PHACTR3: variants seen among roughly 807,000 people sequenced by gnomAD.
The protein encoded by PHACTR3 is phosphatase and actin regulator 3.
Under a neutral mutation model 66.8 loss-of-function variants are expected in PHACTR3, and 16 were observed. The observed-to-expected ratio is 0.24, with a 90% CI of 0.16 to 0.36. PHACTR3 has a LOEUF of 0.36. Ranked by LOEUF, PHACTR3 falls within the 10% of genes least tolerant of loss-of-function variation. The pLI, the probability that PHACTR3 is intolerant of heterozygous loss-of-function variation, is 1.00. For missense variants in PHACTR3, 647 were observed against 719.9 expected (o/e 0.90, Z 1.16); for synonymous variants, 323 against 292.1 (o/e 1.11, Z -1.08).
intron 5 of PHACTR3, among the ~76,000 whole-genome samples, chr20:59,769,005 T>A (rs981733660): frequency 2.6e-5 from 4 of 152,154 alleles, no homozygotes; most frequent in African/African-American, 9.7e-5. Context: ...GGTGGAGGGA[T>A]GAGTGAGGGG....
Position 59,589,345 on chromosome 20 carries a change from G to T in PHACTR3, c.109+11728G>T, listed in dbSNP as rs1380131933. Among the ~76,000 whole-genome samples the T allele has an allele frequency of 3.3e-5, 5 of 152,354 alleles. No individual in the cohort carries two copies. In the South Asian group the frequency reaches 1.0e-3, roughly 32 times the overall value. ...CCCACCAGCTTCAGTGTGCGCATGG[G>T]TTTTAATGAATGGTGGGCGCCGAGA... On this transcript the variant is annotated intron_variant, in intron 1 of 12. Coordinates refer to the PHACTR3 transcript ENST00000359926.
intron 8 of PHACTR3, among the ~76,000 whole-genome samples, chr20:59,821,974 T>C (rs1265616811): frequency 6.5e-4 from 38 of 58,702 alleles, no homozygotes; most frequent in African/African-American, 2.9e-3. Context: ...CTACCCTTTC[T>C]GCAGCGATCC....
intron 1 of PHACTR3, among the ~76,000 whole-genome samples, chr20:59,615,787 T>G (rs1294874592): frequency 6.6e-6 from 1 of 152,204 alleles, no homozygotes; most frequent in Non-Finnish European, 1.5e-5. Context: ...GCTGATTCTG[T>G]TAGCCTATTG....
At chr20:59,663,826 G>T (rs186939854) in intron 1 of PHACTR3, among the ~76,000 whole-genome samples, 141 of 152,316 alleles carry the variant, frequency 9.3e-4, no homozygotes, top group African/African-American at 3.0e-3. Flanking sequence ...CAAGGCTGTG[G>T]AAAGACTTAT....
At chr20:59,673,113 T>C (rs1195577195) in intron 1 of PHACTR3, among the ~76,000 whole-genome samples, 2 of 152,298 alleles carry the variant, frequency 1.3e-5, no homozygotes, top group East Asian at 3.9e-4. Flanking sequence ...TTTGTGGATT[T>C]GAATAGACTT....
chr20:59,583,931 G>A (rs1289603462), intron 1 of PHACTR3, among the ~76,000 whole-genome samples: 2 of 152,238 alleles, frequency 1.3e-5, no homozygotes. Context: ...GTTCACGCGT[G>A]GACATGTGGA....
intron 1 of PHACTR3, among the ~76,000 whole-genome samples, chr20:59,583,678 AAAC>A (rs2146301563): frequency 6.6e-6 from 1 of 152,294 alleles, no homozygotes; most frequent in South Asian, 2.1e-4. Flanking sequence ...ATTTTAAGGA[AAAC>A]AACAACGGTA....
At position 59,812,369 on chromosome 20, in the gene PHACTR3, G is replaced by T. The variant is rs1568846401; in HGVS notation, c.1328+6175G>T. ...TCTGAGTGGCTTCTCTGCACGTTTTGTCCTGTGGCCTCCAGAACACGCTGC... is the reference window on the plus strand; with the variant it reads ...TCTGAGTGGCTTCTCTGCACGTTTTTTCCTGTGGCCTCCAGAACACGCTGC... On this transcript the variant is annotated intron_variant, in intron 8 of 12. Coordinates refer to ENST00000371015, the MANE Select transcript of PHACTR3 (RefSeq NM_080672.5). Among the ~76,000 whole-genome samples the T allele has an allele frequency of 3.3e-5, 5 of 152,208 alleles. No individual in the cohort carries two copies. The South Asian group carries it at 1.0e-3, about 32-fold the overall frequency.
chr20:59,639,073 AT>A, intron 1 of PHACTR3, among the ~76,000 whole-genome samples: 1 of 122,474 alleles, frequency 8.2e-6, no homozygotes, highest in Non-Finnish European at 1.6e-5. Context: ...GGATGGATGG[AT>A]GGATGGATGG....
intron 1 of PHACTR3, among the ~76,000 whole-genome samples, chr20:59,651,873 GTAGGTAGA>G (rs1466408133): frequency 4.3e-5 from 6 of 139,922 alleles, no homozygotes; most frequent in East Asian, 4.4e-4. Context: ...AGGTAGGTAG[GTAGGTAGA>G]TAGACGGATA....
rs141180074 is a variant in PHACTR3 at position 59,767,264 on chromosome 20, C to A, written c.620C>A (p.Ala207Asp). 2 of 1,614,134 alleles carry A rather than the reference C, an allele frequency of 1.2e-6. No homozygotes were observed. Among genetic ancestry groups the A allele is most frequent in the Non-Finnish European group, 1.7e-6 (2 of 1,180,048 alleles). ...CCCACCACCAATGAGCTCTCCCAAG[C>A]CTTAGCTGGGGCTGACTCCCTGGAC... is the stretch of plus-strand genomic sequence containing the variant. The part of the protein sequence containing the change: ...LLPTTNELSQ[A>D]LAGADSLDSP... Residue 207 changes from alanine to aspartate, a missense_variant, in exon 5 of 13, where the codon GCC becomes GAC. Physicochemically the swap from Ala to Asp is moderately radical, Grantham distance 126. Coordinates refer to ENST00000371015, the MANE Select transcript of PHACTR3 (RefSeq NM_080672.5).
At chr20:59,834,651 G>C (rs773689917) in intron 8 of PHACTR3, among the ~76,000 whole-genome samples, 1 of 152,106 alleles carries the variant, frequency 6.6e-6, no homozygotes, top group African/African-American at 2.4e-5. Flanking sequence ...GTTAAGAGAC[G>C]CTATGGTCTT....
At chr20:59,644,075 C>T (rs2035196637) in intron 1 of PHACTR3, among the ~76,000 whole-genome samples, 1 of 152,146 alleles carries the variant, frequency 6.6e-6, no homozygotes, top group South Asian at 2.1e-4. Flanking sequence ...CCAATACACA[C>T]TGAGAAACTG....
At chr20:59,703,847 T>C (rs377560479) in intron 1 of PHACTR3, among the ~76,000 whole-genome samples, 19 of 152,276 alleles carry the variant, frequency 1.2e-4, no homozygotes, top group African/African-American at 4.6e-4. Context: ...AGTGTGTGTG[T>C]GTCACATATT....
At chr20:59,599,619 C>A (rs1424647767), upstream of PHACTR3, among the ~76,000 whole-genome samples, 2 of 152,154 alleles carry the variant, frequency 1.3e-5, no homozygotes, top group Admixed American at 1.3e-4. Flanking sequence ...GCATCACACC[C>A]ACCCTGTTGT....
chr20:59,722,717 A>T (rs1241828695), intron 1 of PHACTR3, among the ~76,000 whole-genome samples: 2 of 152,110 alleles, frequency 1.3e-5, no homozygotes, highest in Admixed American at 1.3e-4. Flanking sequence ...CATGCCACAC[A>T]TGATGGGGAG....
At chr20:59,688,719 C>A (rs1267948813) in intron 1 of PHACTR3, among the ~76,000 whole-genome samples, 1 of 151,856 alleles carries the variant, frequency 6.6e-6, no homozygotes, top group East Asian at 1.9e-4. Context: ...TTTTTGTAAG[C>A]TGTGTTACAT....
chr20:59,653,395 G>A (rs1452199334), intron 1 of PHACTR3, among the ~76,000 whole-genome samples: 2 of 152,102 alleles, frequency 1.3e-5, no homozygotes, highest in Admixed American at 6.5e-5. Context: ...ATGTTGGTCA[G>A]GCTGGTCTCG....
At chr20:59,606,703 G>C (rs2033682704) in intron 1 of PHACTR3, among the ~76,000 whole-genome samples, 1 of 152,154 alleles carries the variant, frequency 6.6e-6, no homozygotes, top group South Asian at 2.1e-4. Flanking sequence ...GGAGGACTTG[G>C]CTTTTTGGCT....
Sources: allele counts gnomAD v4.1 joint callset (sites outside exome capture counted in the v4.1 genomes callset), GRCh38; gene constraint gnomAD v4.1.1; transcripts MANE v1.5; gene names NCBI Gene and HGNC (gene_info 2026-07-23, HGNC 2026-07-21).